Variants in SORCS1 observed in about 807,000 individuals in gnomAD.
SORCS1 encodes the protein VPS10 domain-containing receptor SorCS1.
In SORCS1, 60 loss-of-function variants were observed where a neutral mutation model predicts 146.1. The observed-to-expected ratio is 0.41, with a 90% CI of 0.33 to 0.51. The LOEUF (loss-of-function observed/expected upper bound fraction) is 0.51. SORCS1 is among the 20% of genes least tolerant of loss of function. SORCS1 has a pLI of 0.21. For synonymous variants in SORCS1, 637 were observed against 584.0 expected (o/e 1.09, Z -1.31); for missense variants, 1,352 against 1,487.6 (o/e 0.91, Z 1.50).
intron 2 of SORCS1, among the ~76,000 whole-genome samples, chr10:106,874,178 T>C (rs943828619): frequency 9.9e-5 from 15 of 152,196 alleles, no homozygotes; most frequent in African/African-American, 3.1e-4. Context: ...CAGTCAACAT[T>C]GTGCCTGAAA....
chr10:107,029,991 C>G (rs1958578066), intron 1 of SORCS1, among the ~76,000 whole-genome samples: 1 of 152,138 alleles, frequency 6.6e-6, no homozygotes, highest in Admixed American at 6.6e-5. Context: ...GTAGAGGAGC[C>G]TAAAGTGAGC....
chr10:106,869,223 C>G (rs897031670), intron 2 of SORCS1, among the ~76,000 whole-genome samples: 2 of 152,090 alleles, frequency 1.3e-5, no homozygotes, highest in Non-Finnish European at 2.9e-5. Context: ...AATAAAAGCC[C>G]AGGAACAGAT....
chr10:107,139,069 C>A (rs1967578007), intron 1 of SORCS1, among the ~76,000 whole-genome samples: 1 of 152,188 alleles, frequency 6.6e-6, no homozygotes, highest in African/African-American at 2.4e-5. Flanking sequence ...TGTGTAATTA[C>A]CTATCTCCCT....
intron 1 of SORCS1, among the ~76,000 whole-genome samples, chr10:107,003,312 T>C (rs1490176517): frequency 6.6e-6 from 1 of 152,130 alleles, no homozygotes; most frequent in Non-Finnish European, 1.5e-5. Flanking sequence ...AGTAATATAT[T>C]TGCAGCTCAT....
At chr10:106,737,299 T>TC (rs940824956) in intron 5 of SORCS1, among the ~76,000 whole-genome samples, 2 of 152,216 alleles carry the variant, frequency 1.3e-5, no homozygotes, top group African/African-American at 4.8e-5. Flanking sequence ...GCAGCAGCTC[T>TC]CCCCTTCCTT....
intron 1 of SORCS1, among the ~76,000 whole-genome samples, chr10:107,069,282 C>T (rs1252803636): frequency 6.6e-6 from 1 of 152,218 alleles, no homozygotes; most frequent in Non-Finnish European, 1.5e-5. Context: ...ACCTCCAGAG[C>T]TGAATTCACC....
chr10:106,778,514 T>C (rs941349973), intron 3 of SORCS1, among the ~76,000 whole-genome samples: 1 of 152,144 alleles, frequency 6.6e-6, no homozygotes, highest in African/African-American at 2.4e-5. Flanking sequence ...TAAAATCTAG[T>C]GTATGCATTA....
At chr10:106,820,787 C>T (rs1947983863) in intron 3 of SORCS1, among the ~76,000 whole-genome samples, 1 of 152,168 alleles carries the variant, frequency 6.6e-6, no homozygotes, top group Non-Finnish European at 1.5e-5. Flanking sequence ...ATGTCAAACA[C>T]AAGATGACGG....
intron 21 of SORCS1, among the ~76,000 whole-genome samples, chr10:106,615,296 C>T (rs1032355948): frequency 1.5e-4 from 23 of 152,240 alleles, no homozygotes; most frequent in East Asian, 7.7e-4. Context: ...CCAGTCTCTG[C>T]GGGAGAGTAG....
chr10:106,679,463 CT>C, intron 11 of SORCS1, 131 bp from the exon 12 acceptor site: 1 of 955,638 alleles, frequency 1.0e-6, no homozygotes, highest in Non-Finnish European at 1.6e-6. Flanking sequence ...TTTCTGCAGA[CT>C]TGCTTCAGGT....
chr10:106,675,220 A>G, intron 13 of SORCS1, 64 bp from the exon 14 acceptor site: 1 of 1,234,300 alleles, frequency 8.1e-7, no homozygotes. Flanking sequence ...ATTTCAAAGG[A>G]AAGATACTCT....
chr10:106,953,578 A>G (rs1954804076), intron 2 of SORCS1, among the ~76,000 whole-genome samples: 1 of 152,234 alleles, frequency 6.6e-6, no homozygotes, highest in Non-Finnish European at 1.5e-5. Context: ...TCGGAGAAAC[A>G]TGACCTTAGG....
At chr10:107,116,289 C>T (rs978421629) in intron 1 of SORCS1, among the ~76,000 whole-genome samples, 1 of 152,102 alleles carries the variant, frequency 6.6e-6, no homozygotes, top group African/African-American at 2.4e-5. Context: ...ATGAAATAAG[C>T]ATCTTCAAGA....
At chr10:106,921,194 T>C (rs1355454394) in intron 2 of SORCS1, among the ~76,000 whole-genome samples, 3 of 152,170 alleles carry the variant, frequency 2.0e-5, no homozygotes, top group Non-Finnish European at 4.4e-5. Context: ...TAAAGCTCTC[T>C]TGAAGCCCAT....
chr10:106,942,713 C>T (rs1564835704), intron 2 of SORCS1, among the ~76,000 whole-genome samples: 2 of 152,166 alleles, frequency 1.3e-5, no homozygotes, highest in South Asian at 2.1e-4. Context: ...TCCCCTCGGT[C>T]CACCCCTTGC....
At chr10:106,812,508 G>C (rs1947516903) in intron 3 of SORCS1, among the ~76,000 whole-genome samples, 1 of 152,138 alleles carries the variant, frequency 6.6e-6, no homozygotes, top group African/African-American at 2.4e-5. Context: ...CAGATTTCTA[G>C]TTCCAATTTA....
intron 17 of SORCS1, among the ~76,000 whole-genome samples, chr10:106,661,851 C>T (rs933498920): frequency 6.6e-6 from 1 of 152,236 alleles, no homozygotes; most frequent in Non-Finnish European, 1.5e-5. Context: ...GGCTAAGGCC[C>T]CAGTACCAGC....
At chr10:107,047,360 T>C (rs941364885) in intron 1 of SORCS1, among the ~76,000 whole-genome samples, 2 of 152,190 alleles carry the variant, frequency 1.3e-5, no homozygotes, top group Non-Finnish European at 2.9e-5. Flanking sequence ...ACTACCATAG[T>C]GGATGTCGAT....
intron 11 of SORCS1, 31 bp from the exon 12 acceptor site, chr10:106,679,363 G>T (rs560680473): frequency 1.9e-6 from 3 of 1,556,940 alleles, no homozygotes; most frequent in African/African-American, 2.7e-5. Context: ...TTAGTGAAAA[G>T]AACTTTCTGC....
Sources: gnomAD v4.1 joint callset for allele counts (sites outside exome capture counted in the v4.1 genomes callset) on GRCh38, gnomAD v4.1.1 for gene constraint, MANE v1.5 for transcripts, NCBI Gene and HGNC (gene_info 2026-07-23, HGNC 2026-07-21) for gene names.